SMG6: variants seen among roughly 807,000 people sequenced by gnomAD.
SMG6 encodes SMG6 nonsense mediated mRNA decay factor.
A neutral mutation model predicts 142.2 loss-of-function variants in SMG6; 66 were observed. That is an observed-to-expected ratio of 0.46 (90% confidence interval 0.38 to 0.57). The LOEUF (loss-of-function observed/expected upper bound fraction) is 0.57. Ranked by LOEUF, SMG6 falls within the 20% of genes least tolerant of loss-of-function variation. The pLI is 0.00. For synonymous variants in SMG6, 779 were observed against 702.4 expected, an observed-to-expected ratio of 1.11 and a Z score of -1.72; for missense variants, 1,793 against 1,832.0, an observed-to-expected ratio of 0.98 and a Z score of 0.39.
chr17:2,281,598 T>C (rs899547969), intron 8 of SMG6, among the ~76,000 whole-genome samples: 1 of 152,214 alleles, frequency 6.6e-6, no homozygotes, highest in African/African-American at 2.4e-5. Flanking sequence ...TTGTCTCCTA[T>C]TTCTAGTCTT....
chr17:2,248,554 T>C (rs893759390), intron 8 of SMG6, among the ~76,000 whole-genome samples: 9 of 152,184 alleles, frequency 5.9e-5, no homozygotes, highest in African/African-American at 2.2e-4. Context: ...ACTACCGTAT[T>C]TTAACTGCAA....
chr17:2,282,694 T>A lies in SMG6; in HGVS notation c.2614A>T (p.Lys872Ter). The A allele has an allele frequency of 6.2e-7, 1 of 1,614,050 alleles. No homozygotes were observed. Among genetic ancestry groups the A allele is most frequent in the Non-Finnish European group, 8.5e-7 (1 of 1,179,972 alleles). ...AGCCCATTCTCTTGCTCAGAATCCT[T>A]CCCAGACTCAGTGCCCTGGGAAGAC... ...PRSSQGTESG[K>*]DSEQENGLGS... Residue 872 changes from lysine to a stop codon, truncating the protein, a stop_gained, in exon 8 of 19, where the codon AAG (lysine) becomes TAG (stop). Transcript: ENST00000263073. LOFTEE classifies it high-confidence loss of function.
intron 8 of SMG6, among the ~76,000 whole-genome samples, chr17:2,255,527 T>G (rs887585838): frequency 6.6e-5 from 10 of 151,414 alleles, no homozygotes; most frequent in African/African-American, 9.7e-5. Flanking sequence ...TTTAGAAAAC[T>G]TAGGGTTTTG....
intron 13 of SMG6, among the ~76,000 whole-genome samples, chr17:2,168,757 T>C (rs1858172530): frequency 6.6e-6 from 1 of 151,882 alleles, no homozygotes; most frequent in African/African-American, 2.4e-5. Flanking sequence ...TGTTGTTTTG[T>C]TTTGTTTTTG....
intron 8 of SMG6, among the ~76,000 whole-genome samples, chr17:2,281,184 C>T (rs183145219): frequency 1.6e-4 from 25 of 152,222 alleles, no homozygotes; most frequent in Admixed American, 8.5e-4. Flanking sequence ...CTGGCACCTA[C>T]GCTGGATCAT....
At chr17:2,273,669 C>T (rs374062862) in intron 8 of SMG6, among the ~76,000 whole-genome samples, 3 of 151,914 alleles carry the variant, frequency 2.0e-5, no homozygotes, top group South Asian at 2.1e-4. Flanking sequence ...GCCAGGCGCA[C>T]ACCTATAATC....
At chr17:2,173,019 C>G in intron 12 of SMG6, 160 bp from the exon 13 acceptor site, 2 of 671,414 alleles carry the variant, frequency 3.0e-6, no homozygotes, top group Non-Finnish European at 5.1e-6. Context: ...CAAAACTGTG[C>G]CCAAGGCAGC....
chr17:2,204,138 T>A (rs1388840806), intron 10 of SMG6, among the ~76,000 whole-genome samples: 1 of 152,108 alleles, frequency 6.6e-6, no homozygotes, highest in Non-Finnish European at 1.5e-5. Flanking sequence ...TAAGGATTTT[T>A]AAAAGTCTGA....
At chr17:2,298,147 C>G (rs1373953780) in intron 2 of SMG6, 92 bp from the exon 3 acceptor site, 2 of 1,188,924 alleles carry the variant, frequency 1.7e-6, no homozygotes, top group Admixed American at 2.7e-5. Context: ...AACCACCTCC[C>G]CTGGCAGGAA....
chr17:2,251,796 G>C (rs1250082641), intron 8 of SMG6, among the ~76,000 whole-genome samples: 2 of 152,146 alleles, frequency 1.3e-5, no homozygotes, highest in African/African-American at 2.4e-5. Flanking sequence ...AAGGAAACTG[G>C]CACCAGGTAT....
intron 8 of SMG6, among the ~76,000 whole-genome samples, chr17:2,257,607 G>A (rs2074213298): frequency 6.6e-6 from 1 of 152,014 alleles, no homozygotes; most frequent in Non-Finnish European, 1.5e-5. Context: ...GCCTACAAAA[G>A]ACCTATATAA....
chr17:2,094,306 AGTG>A, intron 13 of SMG6, among the ~76,000 whole-genome samples: 1 of 152,202 alleles, frequency 6.6e-6, no homozygotes, highest in East Asian at 1.9e-4. Context: ...GCTGCGGTGC[AGTG>A]GCGAGATATC....
chr17:2,096,701 A>G (rs559224697), intron 13 of SMG6, among the ~76,000 whole-genome samples: 3 of 152,268 alleles, frequency 2.0e-5, no homozygotes, highest in South Asian at 4.1e-4. Flanking sequence ...CCTACCTTCC[A>G]CAAATCTTTC....
chr17:2,100,329 C>A (rs2068971933), intron 13 of SMG6, among the ~76,000 whole-genome samples: 1 of 152,118 alleles, frequency 6.6e-6, no homozygotes, highest in East Asian at 1.9e-4. Context: ...GAGCCACCGT[C>A]CCTGGCCTAA....
intron 13 of SMG6, among the ~76,000 whole-genome samples, chr17:2,092,961 T>C (rs190978971): frequency 4.3e-4 from 65 of 152,246 alleles, no homozygotes; most frequent in Middle Eastern, 3.4e-3. Flanking sequence ...TTGGGGAGGC[T>C]GAGGCAGTGG....
chr17:2,190,053 CAAG>C (rs2072111693), intron 10 of SMG6, among the ~76,000 whole-genome samples: 1 of 152,086 alleles, frequency 6.6e-6, no homozygotes. Flanking sequence ...ATGCAAGAGC[CAAG>C]AAGAGGGGAG....
intron 1 of SMG6, chr17:2,303,254 G>A: frequency 1.9e-6 from 2 of 1,046,358 alleles, no homozygotes; most frequent in Non-Finnish European, 2.3e-6. Context: ...GGGCAGGCCC[G>A]CGGAGGGCGG....
intron 13 of SMG6, among the ~76,000 whole-genome samples, chr17:2,107,779 G>A (rs1051214906): frequency 6.6e-6 from 1 of 152,222 alleles, no homozygotes; most frequent in Non-Finnish European, 1.5e-5. Context: ...CAGGTGGCAT[G>A]TTCATGGGAC....
At chr17:2,079,985 G>A (rs1359932006) in intron 15 of SMG6, among the ~76,000 whole-genome samples, 2 of 152,106 alleles carry the variant, frequency 1.3e-5, no homozygotes, top group South Asian at 4.2e-4. Context: ...TGAGACAGGA[G>A]AATCGTTTCA....
Sources: gnomAD v4.1 joint callset for allele counts (sites outside exome capture counted in the v4.1 genomes callset) on GRCh38, gnomAD v4.1.1 for gene constraint, MANE v1.5 for transcripts, NCBI Gene and HGNC (gene_info 2026-07-23, HGNC 2026-07-21) for gene names.